Variants in CYTH2 observed in about 807,000 individuals in gnomAD.
CYTH2 encodes the protein cytohesin-2.
CYTH2 carries 24 observed loss-of-function variants against 55.4 expected under a neutral mutation model. The ratio of observed to expected loss-of-function variants is 0.43; its 90% CI spans 0.31 to 0.61. The LOEUF (loss-of-function observed/expected upper bound fraction) is 0.61. Ranked by LOEUF, CYTH2 falls within the 20% of genes least tolerant of loss-of-function variation. CYTH2 has a pLI of 0.08. For synonymous variants in CYTH2, 221 were observed against 209.6 expected, an observed-to-expected ratio of 1.05 and a Z score of -0.47; for missense variants, 378 against 533.5, an observed-to-expected ratio of 0.71 and a Z score of 2.87.
chr19:48,478,572 C>A lies in CYTH2; in HGVS notation c.1092C>A (p.Asp364Glu). 1.9e-6 allele frequency: 3 copies of A among 1,612,374 alleles called. No homozygotes were observed. Among genetic ancestry groups the A allele is most frequent in the Non-Finnish European group, 2.5e-6 (3 of 1,179,106 alleles). Residue 364 changes from aspartate to glutamate, a missense_variant, in exon 11 of 12, where the codon GAC becomes GAA. Asp to Glu is a conservative substitution (Grantham distance 45). Coordinates refer to ENST00000452733, the MANE Select transcript of CYTH2 (RefSeq NM_004228.7). ...RISAPTQEEK[D>E]EWIKSIQAAV... is the part of the protein sequence containing the mutation. ...CGGCCCCCACGCAGGAGGAGAAGGACGAGTGGATCAAGTCCATCCAGTGAG... is the reference window on the plus strand; with the variant it reads ...CGGCCCCCACGCAGGAGGAGAAGGAAGAGTGGATCAAGTCCATCCAGTGAG...
chr19:48,472,420 C>T lies in CYTH2; in HGVS notation c.330C>T (p.Ala110=), dbSNP rs1971818963. ...LYKGEGLNKT[A]IGDYLGEREE... ...AGGGCGAGGGGCTGAACAAGACAGC[C>T]ATCGGGGACTACCTGGGGGAGAGGT... The change falls in exon 4 of 12, where the codon GCC becomes GCT. Residue 110 remains alanine (A), a synonymous_variant. Coordinates refer to ENST00000452733, the MANE Select transcript of CYTH2 (RefSeq NM_004228.7). The T allele has an allele frequency of 6.2e-7, 1 of 1,613,592 alleles. No homozygotes were observed. The highest frequency in any genetic ancestry group is 1.3e-5 in the African/African-American group (1 of 74,916).
rs763516059 is a variant in CYTH2 at position 48,478,343 on chromosome 19, A to G, written c.954A>G (p.Lys318=). Residue 318 remains lysine, a synonymous_variant, in exon 10 of 12, where the codon AAA becomes AAG. Coordinates refer to ENST00000452733, the MANE Select transcript of CYTH2 (RefSeq NM_004228.7). The part of the protein sequence containing the change: ...LSIREVDDPR[K]PNCFELYIPN... Reference sequence around the variant, plus strand: ...TCCGAGAGGTGGACGACCCCCGGAAACCGGTAAGACCCTCTCTGTACACCT... The same window carrying G: ...TCCGAGAGGTGGACGACCCCCGGAAGCCGGTAAGACCCTCTCTGTACACCT... 1 of 1,614,012 alleles carries G rather than the reference A, an allele frequency of 6.2e-7. No homozygotes were observed. Among genetic ancestry groups the G allele is most frequent in the Admixed American group, 1.7e-5 (1 of 60,002 alleles).
intron 5 of CYTH2, 61 bp downstream of exon 5, chr19:48,473,439 C>G (rs1026266569): frequency 1.6e-5 from 24 of 1,538,894 alleles, no homozygotes; most frequent in Non-Finnish European, 1.8e-5. Context: ...TTCCTAGTTA[C>G]AAGTGACAAA....
intron 3 of CYTH2, among the ~76,000 whole-genome samples, chr19:48,470,885 G>C (rs552223292): frequency 2.0e-5 from 3 of 152,242 alleles, no homozygotes; most frequent in Non-Finnish European, 4.4e-5. Flanking sequence ...TCCCCTGCCT[G>C]GAAGGTCGTC....
At chr19:48,476,877 A>AAAAAC (rs931213817) in intron 8 of CYTH2, 2 of 152,226 alleles carry the variant, frequency 1.3e-5, no homozygotes, top group South Asian at 2.1e-4. Flanking sequence ...ACAGTCTCAA[A>AAAAAC]AAAACAAAAC....
intron 1 of CYTH2, chr19:48,469,828 C>T: frequency 7.0e-6 from 3 of 428,092 alleles, no homozygotes; most frequent in Non-Finnish European, 1.3e-5. Flanking sequence ...CCAGCGCCTG[C>T]CGGGGCCGGG....
Position 48,474,961 on chromosome 19 carries a change from C to T in CYTH2, c.808+12C>T, listed in dbSNP as rs765948424. ...GCTCCTGAAGCTGGGTACGTGCCCT[C>T]CCGACCCCGCTGGTCCCTCCGCAGG... On this transcript the variant is annotated intron_variant, in intron 8 of 11. Transcript: ENST00000452733. The surrounding 1 kb of genome is among the most constrained non-coding windows in gnomAD (Gnocchi z 4.9). 1.2e-6 allele frequency: 2 copies of T among 1,612,332 alleles called. No homozygotes were observed. Among genetic ancestry groups the T allele is most frequent in the East Asian group, 2.2e-5 (1 of 44,864 alleles).
chr19:48,475,149 C>A (rs564783069), intron 8 of CYTH2, 200 bp downstream of exon 8: 2 of 557,444 alleles, frequency 3.6e-6, no homozygotes, highest in African/African-American at 3.8e-5. Flanking sequence ...GTAGTAAGTA[C>A]TTCCCAACCC....
At position 48,474,843 on chromosome 19, in the gene CYTH2, G is replaced by T. The variant is rs1971878071; in HGVS notation, c.702G>T (p.Leu234=). 2 of 1,614,010 alleles carry T rather than the reference G, an allele frequency of 1.2e-6. No individual in the cohort carries two copies. Among genetic ancestry groups the T allele is most frequent in the African/African-American group, 1.3e-5 (1 of 74,914 alleles). Residue 234 remains leucine (L), a synonymous_variant, in exon 8 of 12, where the codon CTG becomes CTT. Coordinates refer to ENST00000452733, the MANE Select transcript of CYTH2 (RefSeq NM_004228.7). The surrounding 1 kb of genome is among the most constrained non-coding windows in gnomAD (Gnocchi z 4.9). ...ATGCAGCCTTTACTCCTCAGAACCT[G>T]TACGACAGCATCCGAAATGAGCCCT... ...GDLPEELLRN[L]YDSIRNEPFK...
Position 48,479,458 on chromosome 19 carries a change from G to A in CYTH2, c.*248G>A, listed in dbSNP as rs907597485. 21 of 516,566 alleles carry A rather than the reference G, an allele frequency of 4.1e-5. 1 individual carries two copies. The highest frequency in any genetic ancestry group is 7.0e-5 in the Non-Finnish European group (20 of 287,328). The allele number at this position is 516,566 out of a possible 1,614,324, so 32.0% of individuals were successfully genotyped here. ...TCCGTGGAGCCAGCCTGTTTCCCTG[G>A]ACAGGGGCCTGGACCCGCCTGTCTC... is the stretch of plus-strand genomic sequence containing the variant. On this transcript the variant is annotated 3_prime_UTR_variant, in exon 12 of 12. Transcript: ENST00000452733.
Position 48,481,897 on chromosome 19 carries a change from CAGGTG to C in CYTH2, c.*2688_*2692del, listed in dbSNP as rs1972050245. The stretch of plus-strand genomic sequence containing the variant: ...TGTTGAGATTCGAGCCCCAGTGTGG[CAGGTG>C]TTGGGATGTGGGGCCTCATAAGGAG... On this transcript the variant is annotated 3_prime_UTR_variant, in exon 12 of 12. Transcript: ENST00000452733. 1 of 102,632 alleles carries C rather than the reference CAGGTG, an allele frequency of 9.7e-6. No individual in the cohort carries two copies. Among genetic ancestry groups the C allele is most frequent in the African/African-American group, 4.2e-5 (1 of 24,036 alleles). 6.4% of individuals were successfully genotyped at this position (102,632 alleles called of 1,614,324 possible).
chr19:48,479,077 G>A (rs1442128161), intron 11 of CYTH2, 46 bp from the exon 12 acceptor site: 5 of 1,592,330 alleles, frequency 3.1e-6, no homozygotes, highest in Non-Finnish European at 4.3e-6. Flanking sequence ...GGGGCTGGAG[G>A]CCTGGACTCC....
chr19:48,469,632 G>C (rs1971741745), intron 1 of CYTH2, 106 bp downstream of exon 1: 3 of 1,347,698 alleles, frequency 2.2e-6, no homozygotes, highest in Non-Finnish European at 1.9e-6. Flanking sequence ...GAAGCGTTCG[G>C]CTCAGTCGTA....
chr19:48,478,196 G>A, intron 9 of CYTH2, 51 bp downstream of exon 9: 3 of 1,612,124 alleles, frequency 1.9e-6, no homozygotes, highest in Non-Finnish European at 2.5e-6. Flanking sequence ...GTGGCTGGGA[G>A]CCTGGACTCC....
In CYTH2 at chr19:48,478,482, C is replaced by G; in HGVS notation, c.1002C>G (p.Ile334Met). The change falls in exon 11 of 12, where the codon ATC becomes ATG. Residue 334 changes from isoleucine (I) to methionine (M), a missense_variant. Physicochemically the swap from Ile to Met is conservative, Grantham distance 10. Coordinates refer to ENST00000452733, the MANE Select transcript of CYTH2 (RefSeq NM_004228.7). ...TCCCCAACAACAAGGGGCAGCTCAT[C>G]AAAGCCTGCAAAACTGAGGCGGACG... ...LYIPNNKGQL[I>M]KACKTEADGR... The G allele has an allele frequency of 6.2e-7, 1 of 1,614,154 alleles. No homozygotes were observed. The highest frequency in any genetic ancestry group is 8.5e-7 in the Non-Finnish European group (1 of 1,180,014).
intron 8 of CYTH2, chr19:48,475,383 G>T (rs900104992): frequency 1.2e-5 from 2 of 162,380 alleles, no homozygotes; most frequent in Non-Finnish European, 2.7e-5. Flanking sequence ...GCACTCCGAG[G>T]CATCAGGCCC....
intron 11 of CYTH2, 49 bp from the exon 12 acceptor site, chr19:48,479,074 G>A (rs1234047141): frequency 2.5e-6 from 4 of 1,585,112 alleles, no homozygotes; most frequent in Admixed American, 1.7e-5. Context: ...GGAGGGGCTG[G>A]AGGCCTGGAC....
At chr19:48,478,797 C>CG (rs1289192434) in intron 11 of CYTH2, among the ~76,000 whole-genome samples, 1 of 104,600 alleles carries the variant, frequency 9.6e-6, no homozygotes, top group Admixed American at 1.1e-4. Context: ...CTGGGTCTGA[C>CG]GGAGGAGGGG....
At chr19:48,473,724 A>G (rs1252413246) in intron 5 of CYTH2, 181 bp from the exon 6 acceptor site, 1 of 613,306 alleles carries the variant, frequency 1.6e-6, no homozygotes, top group African/African-American at 1.8e-5. Flanking sequence ...TTCTGTAGGG[A>G]TTCACAACAC....
Sources: gnomAD v4.1 joint callset for allele counts (sites outside exome capture counted in the v4.1 genomes callset) on GRCh38, gnomAD v4.1.1 for gene constraint, Gnocchi (gnomAD v3.1) non-coding constraint, MANE v1.5 for transcripts, NCBI Gene and HGNC (gene_info 2026-07-23, HGNC 2026-07-21) for gene names.